GALNT8: variants seen among roughly 807,000 people sequenced by gnomAD.
The protein encoded by GALNT8 is polypeptide N-acetylgalactosaminyltransferase 8.
Under a neutral mutation model 62.7 loss-of-function variants are expected in GALNT8, and 66 were observed. The ratio of observed to expected loss-of-function variants is 1.05; its 90% CI spans 0.86 to 1.29. The LOEUF (loss-of-function observed/expected upper bound fraction) is 1.29. GALNT8 is among the 50% of genes most tolerant of loss of function. The probability of loss-of-function intolerance (pLI) is 0.00; values close to 1 mark genes in which losing one functional copy is unlikely to be tolerated. For missense variants in GALNT8, 771 were observed against 791.8 expected (o/e 0.97, Z 0.32); for synonymous variants, 288 against 294.3 (o/e 0.98, Z 0.22).
At position 4,726,090 on chromosome 12, in the gene GALNT8, T is replaced by C. The variant is rs1420084538; in HGVS notation, c.212-442T>C. Among the ~76,000 whole-genome samples the C allele has an allele frequency of 6.6e-6, 1 of 152,172 alleles. No homozygotes were observed. The highest frequency in any genetic ancestry group is 1.5e-5 in the Non-Finnish European group (1 of 68,038). ...TTTATTAAAAAGCAGGTTCTTGTAA[T>C]TTCTCCTGTCTGTATTTCCACCCAA... On this transcript the variant is annotated intron_variant, in intron 1 of 10. Coordinates refer to ENST00000252318, the MANE Select transcript of GALNT8 (RefSeq NM_017417.2). This position sits in a 1 kb window ranked among gnomAD's most constrained non-coding sequence, Gnocchi z 4.1.
At chr12:4,764,530 ATTTTTTTTTTTTTT>A (rs58809573) in intron 9 of GALNT8, among the ~76,000 whole-genome samples, 51,433 of 106,160 alleles carry the variant, frequency 0.48, 10,240 homozygotes, top group Admixed American at 0.58. Context: ...CAGTCAGGGG[ATTTTTTTTTTTTTT>A]TTTTTTTTTT....
At chr12:4,746,366 G>A (rs1946299936) in intron 6 of GALNT8, 108 bp downstream of exon 6, 3 of 717,350 alleles carry the variant, frequency 4.2e-6, no homozygotes, top group South Asian at 1.7e-5. Context: ...TTGGCTCAAA[G>A]GTGGATACAT....
intron 6 of GALNT8, among the ~76,000 whole-genome samples, chr12:4,758,793 T>C (rs77987208): frequency 0.12 from 18,399 of 151,192 alleles, 1,619 homozygotes; most frequent in East Asian, 0.31. Context: ...TTTTTTTCTT[T>C]TGAGACAGAG....
In GALNT8 at chr12:4,763,904, A is replaced by C. The variant is rs534443697; in HGVS notation, c.1498-48A>C. 3 of 978,624 alleles carry C rather than the reference A, an allele frequency of 3.1e-6. No individual in the cohort carries two copies. The East Asian group carries it at 7.1e-5, about 23-fold the overall frequency. The allele number at this position is 978,624 out of a possible 1,614,324, so 60.6% of individuals were successfully genotyped here. On this transcript the variant is annotated intron_variant, in intron 8 of 10. Transcript: ENST00000252318. ...TAGGCCCTGGGAGGGATGGCGCCTC[A>C]TTCTCTGTCCTTTCTAACAGTGTTG...
chr12:4,772,538 A>G lies in GALNT8; in HGVS notation c.1855A>G (p.Thr619Ala). 1 of 1,613,906 alleles carries G rather than the reference A, an allele frequency of 6.2e-7. No individual in the cohort carries two copies. The highest frequency in any genetic ancestry group is 8.5e-7 in the Non-Finnish European group (1 of 1,179,800). ...SHVLVLQTCSTQVWEIQHTVR... is the reference protein window; with the variant it reads ...SHVLVLQTCSAQVWEIQHTVR... ...CGTGCTTGTGCTCCAGACCTGTAGC[A>G]CGCAAGTGTGGGAAATCCAGCACAC... Residue 619 changes from threonine to alanine, a missense_variant, in exon 11 of 11, where the codon ACG becomes GCG. Physicochemically the swap from Thr to Ala is moderately conservative, Grantham distance 58 (BLOSUM62 0). Transcript: ENST00000252318.
At chr12:4,755,551 G>C (rs868103502) in intron 6 of GALNT8, among the ~76,000 whole-genome samples, 110 of 152,298 alleles carry the variant, frequency 7.2e-4, no homozygotes, top group African/African-American at 2.6e-3. Context: ...TAAAATATGA[G>C]TACTGTGAGT....
chr12:4,728,509 G>A (rs1946206490), intron 2 of GALNT8, among the ~76,000 whole-genome samples: 1 of 151,982 alleles, frequency 6.6e-6, no homozygotes, highest in African/African-American at 2.4e-5. Context: ...CTTAAATTTA[G>A]GTGTTTGGTC....
chr12:4,745,527 A>G lies in GALNT8; in HGVS notation c.959A>G (p.Tyr320Cys), dbSNP rs932059047. Residue 320 changes from tyrosine (Y) to cysteine (C), a missense_variant, in exon 5 of 11, where the codon TAT (tyrosine) becomes TGT (cysteine). Physicochemically the swap from Tyr to Cys is radical, Grantham distance 194. Coordinates refer to ENST00000252318, the MANE Select transcript of GALNT8 (RefSeq NM_017417.2). ...IRFDTFKLDKYELAVDGFNWE... is the reference protein window; with the variant it reads ...IRFDTFKLDKCELAVDGFNWE... ...TTTGACACCTTCAAACTGGATAAGT[A>G]TGAACTGGCAGTTGATGGGTTTAAC... The G allele has an allele frequency of 6.2e-7, 1 of 1,611,578 alleles. No individual in the cohort carries two copies. The highest frequency in any genetic ancestry group is 1.3e-5 in the African/African-American group (1 of 74,888).
intron 6 of GALNT8, among the ~76,000 whole-genome samples, chr12:4,751,202 A>C (rs1367160789): frequency 6.6e-6 from 1 of 152,226 alleles, no homozygotes; most frequent in African/African-American, 2.4e-5. Context: ...AGTACCATTC[A>C]GGACATAGGG....
At chr12:4,772,358 T>C (rs756424713) in intron 10 of GALNT8, 87 bp from the exon 11 acceptor site, 1 of 1,203,490 alleles carries the variant, frequency 8.3e-7, no homozygotes, top group Non-Finnish European at 1.2e-6. Context: ...AGAATGTGGC[T>C]GAGCACAGCA....
chr12:4,765,681 G>A, intron 10 of GALNT8, 135 bp downstream of exon 10: 3 of 630,776 alleles, frequency 4.8e-6, no homozygotes, highest in South Asian at 4.4e-5. Flanking sequence ...AAAGAGATTT[G>A]GGTTGGCTGT....
intron 6 of GALNT8, among the ~76,000 whole-genome samples, chr12:4,758,380 AG>A (rs771289385): frequency 2.6e-5 from 4 of 152,136 alleles, no homozygotes; most frequent in Non-Finnish European, 5.9e-5. Context: ...TGGGTAGGAA[AG>A]AAAAAACAGC....
chr12:4,732,587 T>C (rs12301259), intron 2 of GALNT8, among the ~76,000 whole-genome samples: 25 of 87,332 alleles, frequency 2.9e-4, no homozygotes, highest in Middle Eastern at 9.4e-3. Flanking sequence ...TCTGCTGCAC[T>C]GTTCAATATG....
At position 4,745,624 on chromosome 12, in the gene GALNT8, G is replaced by A. The variant is rs1343681243; in HGVS notation, c.1056G>A (p.Val352=). The change falls in exon 5 of 11, where the codon GTG becomes GTA. Residue 352 remains valine (V), a splice_region_variant and synonymous_variant. Transcript: ENST00000252318. ...ATCTGCATGATGTCACTGCCCCAGTGAAGTAAGTCTGAGGAGATTCAGGGA... is the reference window on the plus strand; with the variant it reads ...ATCTGCATGATGTCACTGCCCCAGTAAAGTAAGTCTGAGGAGATTCAGGGA... ...WIDLHDVTAP[V]KSPSIMGILA... is the part of the protein sequence containing the mutation. 1 of 1,611,332 alleles carries A rather than the reference G, an allele frequency of 6.2e-7. No homozygotes were observed. Among genetic ancestry groups the A allele is most frequent in the Non-Finnish European group, 8.5e-7 (1 of 1,177,560 alleles).
intron 6 of GALNT8, among the ~76,000 whole-genome samples, chr12:4,746,974 C>G (rs1284301870): frequency 6.6e-6 from 1 of 152,204 alleles, no homozygotes; most frequent in Non-Finnish European, 1.5e-5. Context: ...TGGAAAAATA[C>G]TGGCTTCACA....
chr12:4,747,674 A>G (rs1007001372), intron 6 of GALNT8, among the ~76,000 whole-genome samples: 9 of 152,188 alleles, frequency 5.9e-5, no homozygotes, highest in Non-Finnish European at 8.8e-5. Context: ...GCTGCAACAA[A>G]CAAAAGAGTG....
At chr12:4,760,039 A>G (rs1946364500) in intron 6 of GALNT8, among the ~76,000 whole-genome samples, 2 of 152,228 alleles carry the variant, frequency 1.3e-5, no homozygotes, top group African/African-American at 4.8e-5. Context: ...CTGTATAACG[A>G]TGTTATCACC....
intron 10 of GALNT8, among the ~76,000 whole-genome samples, chr12:4,766,088 A>G (rs1163726006): frequency 1.3e-5 from 2 of 152,196 alleles, no homozygotes; most frequent in African/African-American, 4.8e-5. Flanking sequence ...TGTTTTTTAA[A>G]TGATAGGTAT....
At chr12:4,724,263 G>A (rs536193629) in intron 1 of GALNT8, among the ~76,000 whole-genome samples, 1 of 152,246 alleles carries the variant, frequency 6.6e-6, no homozygotes, top group South Asian at 2.1e-4. Context: ...ATTGAGGGAG[G>A]GATCAATGAC....
Sources: gnomAD v4.1 joint callset for allele counts (sites outside exome capture counted in the v4.1 genomes callset) on GRCh38, gnomAD v4.1.1 for gene constraint, Gnocchi (gnomAD v3.1) non-coding constraint, MANE v1.5 for transcripts, NCBI Gene and HGNC (gene_info 2026-07-23, HGNC 2026-07-21) for gene names.